THRAP3: variants seen among roughly 807,000 people sequenced by gnomAD.
THRAP3 encodes thyroid hormone receptor-associated protein 3.
THRAP3 carries 16 observed loss-of-function variants against 101.0 expected under a neutral mutation model. The observed-to-expected ratio is 0.16, with a 90% confidence interval of 0.11 to 0.24. The LOEUF is 0.24. Among genes scored for constraint, THRAP3 ranks in the 10% least tolerant of loss-of-function variants. The pLI is 1.00. For synonymous variants in THRAP3, 407 were observed against 422.6 expected, an observed-to-expected ratio of 0.96 and a Z score of 0.45; for missense variants, 989 against 1,202.7, an observed-to-expected ratio of 0.82 and a Z score of 2.63.
chr1:36,284,042 T>C (rs1645766233), intron 3 of THRAP3, among the ~76,000 whole-genome samples: 1 of 152,208 alleles, frequency 6.6e-6, no homozygotes, highest in South Asian at 2.1e-4. Flanking sequence ...AACCTCAGTT[T>C]TAGCTCATTT....
chr1:36,272,742 A>C (rs907159454), intron 2 of THRAP3, among the ~76,000 whole-genome samples: 5 of 152,182 alleles, frequency 3.3e-5, no homozygotes, highest in African/African-American at 4.8e-5. Context: ...GTGACTGTTG[A>C]AAGCATGGCT....
chr1:36,271,345 C>A (rs1645588260), intron 2 of THRAP3, among the ~76,000 whole-genome samples: 1 of 151,600 alleles, frequency 6.6e-6, no homozygotes, highest in Non-Finnish European at 1.5e-5. Flanking sequence ...TGCAGTGATG[C>A]GATCTCTGCT....
Position 36,287,013 on chromosome 1 carries a change from G to A in THRAP3, c.783G>A (p.Arg261=), listed in dbSNP as rs1645804678. 31 of 1,614,210 alleles carry A rather than the reference G, an allele frequency of 1.9e-5. No individual in the cohort carries two copies. Among genetic ancestry groups the A allele is most frequent in the Non-Finnish European group, 2.5e-5 (30 of 1,180,030 alleles). Residue 261 remains arginine (R), a synonymous_variant, in exon 4 of 12, where the codon AGG becomes AGA. Coordinates refer to ENST00000354618, the MANE Select transcript of THRAP3 (RefSeq NM_005119.4). ...LKSPLQSVVV[R]RRSPRPSPVP... The stretch of plus-strand genomic sequence containing the variant: ...GCCCCCTCCAGTCTGTGGTGGTGAG[G>A]CGGCGGTCACCCCGTCCTAGCCCCG...
chr1:36,213,958 AGAAG>A, the THRAP3 span, among the ~76,000 whole-genome samples: 1,238 of 118,022 alleles, frequency 0.01, 30 homozygotes, highest in African/African-American at 0.044. Context: ...AAAGAAAGAA[AGAAG>A]GAAAGAGAAA....
upstream of THRAP3, among the ~76,000 whole-genome samples, chr1:36,221,395 C>T (rs1476614627): frequency 6.6e-6 from 1 of 151,132 alleles, no homozygotes; most frequent in African/African-American, 2.4e-5. Context: ...TTCATTTTCT[C>T]AGTGGATGAA....
At chr1:36,246,499 C>G (rs950306327) in intron 1 of THRAP3, among the ~76,000 whole-genome samples, 11 of 151,724 alleles carry the variant, frequency 7.3e-5, no homozygotes, top group Non-Finnish European at 1.6e-4. Context: ...TCCCAAGGTG[C>G]TGGGATTACA....
intron 3 of THRAP3, among the ~76,000 whole-genome samples, chr1:36,284,061 A>T (rs1645766420): frequency 6.6e-6 from 1 of 152,228 alleles, no homozygotes; most frequent in African/African-American, 2.4e-5. Context: ...TTGGTTATGA[A>T]AGATACCTTT....
rs1557447082 is a variant in THRAP3 at position 36,286,480 on chromosome 1, T to C, written c.250T>C (p.Tyr84His). ...RGHNRGYRRP[Y>H]YFRGRNRGFY... ...TCACAACAGAGGCTATAGAAGGCCC[T>C]ATTATTTCCGTGGGCGTAACAGAGG... Residue 84 changes from tyrosine (Y) to histidine (H), a missense_variant, in exon 4 of 12, where the codon TAT (tyrosine) becomes CAT (histidine). Physicochemically the swap from Tyr to His is moderately conservative, Grantham distance 83. Coordinates refer to ENST00000354618, the MANE Select transcript of THRAP3 (RefSeq NM_005119.4). This position sits in a 1 kb window ranked among gnomAD's most constrained non-coding sequence, Gnocchi z 5.5. 2 of 1,614,184 alleles carry C rather than the reference T, an allele frequency of 1.2e-6. No individual in the cohort carries two copies. Among genetic ancestry groups the C allele is most frequent in the Non-Finnish European group, 1.7e-6 (2 of 1,180,034 alleles).
Position 36,286,668 on chromosome 1 carries a change from T to C in THRAP3, c.438T>C (p.Ser146=). The C allele has an allele frequency of 6.2e-7, 1 of 1,614,192 alleles. No individual in the cohort carries two copies. The highest frequency in any genetic ancestry group is 8.5e-7 in the Non-Finnish European group (1 of 1,180,030). ...GGTCCAGGAGCCATTCTAGAAACTC[T>C]GATAAGTCGTCTTCTGACCGGTCAA... ...SPRSRSHSRN[S]DKSSSDRSRR... is the part of the protein sequence containing the mutation. Residue 146 remains serine, a synonymous_variant, in exon 4 of 12, where the codon TCT becomes TCC. Coordinates refer to ENST00000354618, the MANE Select transcript of THRAP3 (RefSeq NM_005119.4). The surrounding 1 kb of genome is among the most constrained non-coding windows in gnomAD (Gnocchi z 5.5).
At chr1:36,291,602 G>A (rs1645869119) in intron 6 of THRAP3, 56 bp downstream of exon 6, 3 of 1,579,564 alleles carry the variant, frequency 1.9e-6, no homozygotes, top group Non-Finnish European at 2.6e-6. Flanking sequence ...GAAGAAGGAT[G>A]AATGATGGGT....
chr1:36,212,460 G>A, the THRAP3 span, among the ~76,000 whole-genome samples: 208 of 126,816 alleles, frequency 1.6e-3, no homozygotes, highest in Non-Finnish European at 2.4e-3. Context: ...TTGCTCTTTC[G>A]GCCAGGCTGA....
At chr1:36,230,212 G>T (rs200090222) in intron 1 of THRAP3, among the ~76,000 whole-genome samples, 1 of 151,482 alleles carries the variant, frequency 6.6e-6, no homozygotes, top group African/African-American at 2.4e-5. Context: ...TCCACCTCCC[G>T]GGTTCAAGCG....
intron 1 of THRAP3, among the ~76,000 whole-genome samples, chr1:36,230,095 C>T (rs1301631352): frequency 6.6e-6 from 1 of 151,610 alleles, no homozygotes; most frequent in African/African-American, 2.4e-5. Context: ...GCTGGGATTA[C>T]AGGTGCCCAT....
chr1:36,229,252 C>T (rs1644997017), intron 1 of THRAP3, among the ~76,000 whole-genome samples: 1 of 151,954 alleles, frequency 6.6e-6, no homozygotes, highest in South Asian at 2.1e-4. Context: ...TGCCCGCCAC[C>T]ACACCCGGCT....
In THRAP3 at chr1:36,267,041, C is replaced by T. The variant is rs547680530; in HGVS notation, c.-32+7557C>T. Among the ~76,000 whole-genome samples, 218 of 152,114 alleles carry T rather than the reference C, an allele frequency of 1.4e-3. 1 individual carries two copies. Among genetic ancestry groups the T allele is most frequent in the African/African-American group, 5.0e-3 (208 of 41,504 alleles). ...GATTACATTTGCATGCCAACACGCC[C>T]GGCTAAATTTTTTTGTATTTTTAGT... On this transcript the variant is annotated intron_variant, in intron 2 of 11. Coordinates refer to ENST00000354618, the MANE Select transcript of THRAP3 (RefSeq NM_005119.4).
At chr1:36,243,878 A>C in intron 1 of THRAP3, among the ~76,000 whole-genome samples, 1 of 120,694 alleles carries the variant, frequency 8.3e-6, no homozygotes, top group Non-Finnish European at 1.7e-5. Flanking sequence ...TGGGGGGCTG[A>C]CCCCCCCACC....
the THRAP3 span, among the ~76,000 whole-genome samples, chr1:36,213,584 G>A: frequency 4.6e-5 from 7 of 152,032 alleles, no homozygotes; most frequent in Non-Finnish European, 7.4e-5. Context: ...TGTGGCTCAC[G>A]TCTGTAATCC....
At chr1:36,244,697 T>C (rs1318872001) in intron 1 of THRAP3, among the ~76,000 whole-genome samples, 2 of 151,952 alleles carry the variant, frequency 1.3e-5, no homozygotes, top group Admixed American at 6.6e-5. Flanking sequence ...TTTTCTCATA[T>C]CTACCTGTAC....
At chr1:36,247,271 G>A (rs1023025709) in intron 1 of THRAP3, among the ~76,000 whole-genome samples, 2 of 151,758 alleles carry the variant, frequency 1.3e-5, no homozygotes, top group Admixed American at 1.3e-4. Flanking sequence ...GAGCTGAGAT[G>A]GAGTCACTGC....
Sources: gnomAD v4.1 joint callset for allele counts (sites outside exome capture counted in the v4.1 genomes callset) on GRCh38, gnomAD v4.1.1 for gene constraint, Gnocchi (gnomAD v3.1) non-coding constraint, MANE v1.5 for transcripts, NCBI Gene and HGNC (gene_info 2026-07-23, HGNC 2026-07-21) for gene names.